XRCC5: variants seen among roughly 807,000 people sequenced by gnomAD.
The protein encoded by XRCC5 is X-ray repair cross complementing 5.
A neutral mutation model predicts 95.7 loss-of-function variants in XRCC5; 12 were observed. That is an observed-to-expected ratio of 0.13 (90% CI 0.08 to 0.20). XRCC5 has a LOEUF of 0.20. Among genes scored for constraint, XRCC5 ranks in the 10% least tolerant of loss-of-function variants. XRCC5 has a pLI of 1.00. For synonymous variants in XRCC5, 281 were observed against 290.3 expected, an observed-to-expected ratio of 0.97 and a Z score of 0.33; for missense variants, 595 against 873.9, an observed-to-expected ratio of 0.68 and a Z score of 4.02.
At chr2:216,178,759 G>T (rs1689324967) in intron 16 of XRCC5, among the ~76,000 whole-genome samples, 1 of 152,184 alleles carries the variant, frequency 6.6e-6, no homozygotes, top group Admixed American at 6.5e-5. Context: ...ATTAAGGGAG[G>T]GAGGGGATAA....
At chr2:216,150,916 G>A (rs769197629) in intron 14 of XRCC5, among the ~76,000 whole-genome samples, 15 of 152,088 alleles carry the variant, frequency 9.9e-5, no homozygotes, top group Middle Eastern at 3.4e-3. Context: ...AAAAGAAAAC[G>A]TAATGCTTTG....
intron 16 of XRCC5, among the ~76,000 whole-genome samples, chr2:216,185,372 G>A (rs1183386997): frequency 1.3e-5 from 2 of 152,118 alleles, no homozygotes; most frequent in East Asian, 1.9e-4. Context: ...AAGAAAGCCC[G>A]CTTTTGATAC....
intron 10 of XRCC5, among the ~76,000 whole-genome samples, chr2:216,135,223 G>GAT (rs1193572010): frequency 9.9e-5 from 15 of 152,194 alleles, no homozygotes; most frequent in African/African-American, 3.4e-4. Context: ...TCTGCAGAGA[G>GAT]AGAGAGAGAG....
chr2:216,125,907 CTTTATT>C lies in XRCC5; in HGVS notation c.684-9_684-4del, dbSNP rs1696893408. On this transcript the variant is annotated splice_polypyrimidine_tract_variant and splice_region_variant and intron_variant, in intron 6 of 20. Coordinates refer to ENST00000392132, the MANE Select transcript of XRCC5 (RefSeq NM_021141.4). The stretch of plus-strand genomic sequence containing the variant: ...ATTGTTGCTTTCATTTTATATTTTT[CTTTATT>C]AAGTGAGAGTCTGAGAAAACTGTGC... 3.1e-6 allele frequency: 5 copies of C among 1,605,404 alleles called. No homozygotes were observed. Among genetic ancestry groups the C allele is most frequent in the Non-Finnish European group, 4.3e-6 (5 of 1,173,082 alleles).
At chr2:216,187,122 G>A (rs1378735273) in intron 16 of XRCC5, among the ~76,000 whole-genome samples, 2 of 152,154 alleles carry the variant, frequency 1.3e-5, no homozygotes, top group Non-Finnish European at 2.9e-5. Flanking sequence ...TACAAGCCAC[G>A]TAACTGAGTA....
chr2:216,194,905 G>C lies in XRCC5; in HGVS notation c.2042-14G>C. The C allele has an allele frequency of 6.2e-7, 1 of 1,613,668 alleles. No homozygotes were observed. The highest frequency in any genetic ancestry group is 8.5e-7 in the Non-Finnish European group (1 of 1,179,678). ...TCTTTGTGTTTTGATTTTACTCTCT[G>C]AATTACTTTTTAGATGGAATTACTC... is the stretch of plus-strand genomic sequence containing the variant. On this transcript the variant is annotated splice_polypyrimidine_tract_variant and intron_variant, in intron 18 of 20. Transcript: ENST00000392132.
At chr2:216,120,650 G>C (rs1266464775) in intron 5 of XRCC5, among the ~76,000 whole-genome samples, 1 of 151,932 alleles carries the variant, frequency 6.6e-6, no homozygotes. Context: ...AAAACTCTTG[G>C]GTTCAAGTGA....
intron 7 of XRCC5, 84 bp downstream of exon 7, chr2:216,126,115 T>G (rs753719368): frequency 5.3e-5 from 58 of 1,090,200 alleles, no homozygotes; most frequent in Admixed American, 4.6e-4. Context: ...TTCATGTGTG[T>G]GTTACTCGGA....
At chr2:216,156,494 A>C (rs1688845003) in intron 14 of XRCC5, 8 of 643,964 alleles carry the variant, frequency 1.2e-5, no homozygotes, top group Non-Finnish European at 2.1e-5. Flanking sequence ...ATGCTGACGC[A>C]TTCAATCACA....
At chr2:216,172,469 C>CTTTTCTTTTTTTTT (rs1553576428) in intron 16 of XRCC5, among the ~76,000 whole-genome samples, 1 of 107,800 alleles carries the variant, frequency 9.3e-6, no homozygotes, top group East Asian at 2.4e-4. Context: ...CTTTTCTTTT[C>CTTTTCTTTTTTTTT]TTTTTTTTTT....
chr2:216,174,423 A>G (rs979602631), intron 16 of XRCC5, among the ~76,000 whole-genome samples: 1 of 152,146 alleles, frequency 6.6e-6, no homozygotes. Flanking sequence ...GTAATTAACA[A>G]TAATCTTCTT....
At chr2:216,177,128 C>G (rs1047764453) in intron 16 of XRCC5, among the ~76,000 whole-genome samples, 1 of 152,150 alleles carries the variant, frequency 6.6e-6, no homozygotes, top group African/African-American at 2.4e-5. Flanking sequence ...GTCTGTTCTG[C>G]CAGTTGTTCT....
At chr2:216,110,354 C>A (rs943574883) in intron 1 of XRCC5, 2 of 152,052 alleles carry the variant, frequency 1.3e-5, no homozygotes, top group East Asian at 3.8e-4. Context: ...AAACAAGATA[C>A]GAGTTTGAGC....
intron 14 of XRCC5, chr2:216,156,654 A>C (rs577450683): frequency 5.4e-6 from 3 of 552,516 alleles, no homozygotes; most frequent in East Asian, 9.8e-5. Context: ...CCCCAAATGC[A>C]AGAGCTTCAT....
At position 216,179,949 on chromosome 2, in the gene XRCC5, G is replaced by T. The variant is rs947977323; in HGVS notation, c.1835-10276G>T. On this transcript the variant is annotated intron_variant, in intron 16 of 20. Transcript: ENST00000392132. ...GGTAGTAAGAAGAGGTCCGATTTTT[G>T]ATCTGTTTTGAAAGTAGAATTGTCA... Among the ~76,000 whole-genome samples, 6 of 152,310 alleles carry T rather than the reference G, an allele frequency of 3.9e-5. No individual in the cohort carries two copies. The South Asian group carries it at 1.2e-3, about 32-fold the overall frequency.
chr2:216,115,810 A>T (rs919516396), intron 2 of XRCC5, among the ~76,000 whole-genome samples: 11 of 150,112 alleles, frequency 7.3e-5, no homozygotes, highest in Non-Finnish European at 1.3e-4. Context: ...TATTTGTTTG[A>T]TTTTTTTTTT....
At chr2:216,170,372 T>A (rs1014032325) in intron 16 of XRCC5, among the ~76,000 whole-genome samples, 3 of 152,158 alleles carry the variant, frequency 2.0e-5, no homozygotes, top group Non-Finnish European at 4.4e-5. Context: ...TAATTTCCCA[T>A]CTGGCTGAAA....
At chr2:216,200,122 G>C (rs1033020798) in intron 19 of XRCC5, among the ~76,000 whole-genome samples, 2 of 152,084 alleles carry the variant, frequency 1.3e-5, no homozygotes, top group Non-Finnish European at 2.9e-5. Flanking sequence ...CTGGAATCCA[G>C]ACCCCCAGAT....
intron 8 of XRCC5, 172 bp downstream of exon 8, chr2:216,127,846 T>G (rs1696921605): frequency 1.6e-6 from 1 of 608,644 alleles, no homozygotes; most frequent in Non-Finnish European, 2.5e-6. Context: ...TTGTTGGGTC[T>G]TAGGCAGGTT....
Sources: allele counts gnomAD v4.1 joint callset (sites outside exome capture counted in the v4.1 genomes callset), GRCh38; gene constraint gnomAD v4.1.1; transcripts MANE v1.5; gene names NCBI Gene and HGNC (gene_info 2026-07-23, HGNC 2026-07-21).